The following RETREG1 variants were observed in gnomAD, a reference collection of about 807,000 sequenced individuals.
RETREG1 encodes the protein family with sequence similarity 134 member B.
RETREG1 carries 44 observed loss-of-function variants against 54.8 expected under a neutral mutation model. The observed-to-expected ratio is 0.80, with a 90% confidence interval of 0.63 to 1.03. The LOEUF is 1.03. RETREG1 is among the 50% of genes least tolerant of loss of function. RETREG1 has a pLI of 0.00. For missense variants in RETREG1, 554 were observed against 605.1 expected (o/e 0.92, Z 0.89); for synonymous variants, 217 against 238.5 (o/e 0.91, Z 0.83).
intron 3 of RETREG1, among the ~76,000 whole-genome samples, chr5:16,539,400 C>T (rs1280478489): frequency 6.6e-6 from 1 of 152,128 alleles, no homozygotes. Context: ...CACCGGGAAT[C>T]CAGAAATAAG....
chr5:16,504,910 T>C (rs2126557718), intron 3 of RETREG1, among the ~76,000 whole-genome samples: 1 of 152,304 alleles, frequency 6.6e-6, no homozygotes, highest in Non-Finnish European at 1.5e-5. Flanking sequence ...AATGGTAGTA[T>C]CAACAATAGG....
In RETREG1 at chr5:16,594,242, A is replaced by G. The variant is rs1252748931; in HGVS notation, c.321-22140T>C. ...GAACCTTTTGGCTGTATTCAGTGAT[A>G]CGATTAAGAATCAAAATTTCTCCTG... On this transcript the variant is annotated intron_variant, in intron 1 of 8. Transcript: ENST00000306320. This position sits in a 1 kb window ranked among gnomAD's most constrained non-coding sequence, Gnocchi z 4.4. Among the ~76,000 whole-genome samples, 2 of 152,240 alleles carry G rather than the reference A, an allele frequency of 1.3e-5. No homozygotes were observed. Among genetic ancestry groups the G allele is most frequent in the Non-Finnish European group, 2.9e-5 (2 of 68,042 alleles).
intron 1 of RETREG1, among the ~76,000 whole-genome samples, chr5:16,577,037 GCACACA>G (rs68174462): frequency 5.3e-5 from 8 of 150,572 alleles, no homozygotes; most frequent in Non-Finnish European, 7.4e-5. Context: ...TTGTGTGCAC[GCACACA>G]CACACACACA....
At chr5:16,615,413 A>AAG (rs1743475911) in intron 1 of RETREG1, among the ~76,000 whole-genome samples, 1 of 146,310 alleles carries the variant, frequency 6.8e-6, no homozygotes, top group Non-Finnish European at 1.5e-5. Flanking sequence ...AAAAAAAAAA[A>AAG]AAGAAAGAAA....
At chr5:16,523,337 C>T (rs1008576940) in intron 3 of RETREG1, among the ~76,000 whole-genome samples, 1 of 152,140 alleles carries the variant, frequency 6.6e-6, no homozygotes, top group Non-Finnish European at 1.5e-5. Flanking sequence ...AGCTTGGTCT[C>T]TTGTGGTCTA....
At chr5:16,525,350 T>C (rs390435) in intron 3 of RETREG1, among the ~76,000 whole-genome samples, 40,784 of 151,556 alleles carry the variant, frequency 0.27, 5,655 homozygotes, top group South Asian at 0.39. Context: ...ACTGTGCTGA[T>C]CTGCGTCCTT....
chr5:16,577,080 A>G (rs887030765), intron 1 of RETREG1, among the ~76,000 whole-genome samples: 7 of 151,996 alleles, frequency 4.6e-5, no homozygotes, highest in Non-Finnish European at 8.8e-5. Flanking sequence ...GGATCTGAGA[A>G]AGTCATCTGC....
At chr5:16,479,248 C>A (rs1375787358) in intron 5 of RETREG1, among the ~76,000 whole-genome samples, 1 of 152,022 alleles carries the variant, frequency 6.6e-6, no homozygotes, top group African/African-American at 2.4e-5. Context: ...TAAACATTTT[C>A]TACCACCACC....
rs527618495 is a variant in RETREG1, at chr5:16,477,267, T to C, written c.1000+395A>G. Reference sequence around the variant, plus strand: ...GTATACAATTCAGTGTTTTTTAGTATATTCATAAAGCTGTACAAGCAGCAT... The same window carrying C: ...GTATACAATTCAGTGTTTTTTAGTACATTCATAAAGCTGTACAAGCAGCAT... On this transcript the variant is annotated intron_variant, in intron 8 of 8. Transcript: ENST00000306320. 1.1e-3 allele frequency among the ~76,000 whole-genome samples: 172 copies of C among 152,296 alleles called. 1 individual carries two copies. Among genetic ancestry groups the C allele is most frequent in the African/African-American group, 4.1e-3 (169 of 41,576 alleles).
chr5:16,483,166 A>T, intron 4 of RETREG1, 180 bp downstream of exon 4: 1 of 656,302 alleles, frequency 1.5e-6, no homozygotes, highest in Non-Finnish European at 2.6e-6. Flanking sequence ...GAGGCTGAGG[A>T]TTATCTAGTG....
At chr5:16,588,615 C>T (rs1742678575) in intron 1 of RETREG1, among the ~76,000 whole-genome samples, 1 of 152,228 alleles carries the variant, frequency 6.6e-6, no homozygotes, top group Non-Finnish European at 1.5e-5. Flanking sequence ...TCCTCCCAAA[C>T]TCCCTGCCAG....
chr5:16,538,083 C>A (rs947296207), intron 3 of RETREG1, among the ~76,000 whole-genome samples: 2 of 152,150 alleles, frequency 1.3e-5, no homozygotes, highest in East Asian at 3.9e-4. Context: ...GCAGGGTTCC[C>A]AACCAGACCA....
chr5:16,502,267 A>AT (rs975970778), intron 3 of RETREG1, among the ~76,000 whole-genome samples: 32 of 151,964 alleles, frequency 2.1e-4, no homozygotes, highest in African/African-American at 5.5e-4. Flanking sequence ...CTAAGTAAGC[A>AT]TTTTTTTTCT....
Position 16,475,020 on chromosome 5 carries a change from G to A in RETREG1, c.1215C>T (p.Thr405=), listed in dbSNP as rs1738468522. The change falls in exon 9 of 9, where the codon ACC becomes ACT. Residue 405 remains threonine, a synonymous_variant. Coordinates refer to ENST00000306320, the MANE Select transcript of RETREG1 (RefSeq NM_001034850.3). ...GLTLPLNSDQ[T]FHLMSNLAGD... ...CAGCCAGGTTGCTCATCAGGTGAAA[G>A]GTTTGGTCACTGTTCAGAGGAAGGG... is the stretch of plus-strand genomic sequence containing the variant. The A allele has an allele frequency of 6.2e-7, 1 of 1,613,570 alleles. No homozygotes were observed. The highest frequency in any genetic ancestry group is 1.7e-5 in the Admixed American group (1 of 59,908).
At chr5:16,582,820 G>A (rs1318714241) in intron 1 of RETREG1, among the ~76,000 whole-genome samples, 1 of 152,158 alleles carries the variant, frequency 6.6e-6, no homozygotes, top group Non-Finnish European at 1.5e-5. Context: ...GAGGGCACTC[G>A]TTCCACAAAG....
chr5:16,477,574 A>G lies in RETREG1; in HGVS notation c.1000+88T>C, dbSNP rs904824412. On this transcript the variant is annotated intron_variant, in intron 8 of 8. Transcript: ENST00000306320. ...TCTACTGTGTAGATATGGTGGTAAC[A>G]TGTTATTTACCCATTCAGTATTTGA... 4.5e-5 allele frequency: 53 copies of G among 1,188,172 alleles called. No homozygotes were observed. The African/African-American group carries it at 7.1e-4, about 16-fold the overall frequency. 73.6% of individuals were successfully genotyped at this position (1,188,172 alleles called of 1,614,324 possible).
chr5:16,491,261 T>C (rs1739233029), intron 3 of RETREG1, among the ~76,000 whole-genome samples: 2 of 152,204 alleles, frequency 1.3e-5, no homozygotes, highest in Non-Finnish European at 2.9e-5. Flanking sequence ...ACAGCAGATC[T>C]CCTGGTTACC....
At chr5:16,554,667 G>A (rs146079876) in intron 3 of RETREG1, among the ~76,000 whole-genome samples, 4 of 152,202 alleles carry the variant, frequency 2.6e-5, no homozygotes, top group African/African-American at 7.2e-5. Context: ...ACCTCACTGC[G>A]CTTACTTTAA....
At chr5:16,498,133 G>A (rs148350800) in intron 3 of RETREG1, among the ~76,000 whole-genome samples, 31 of 152,346 alleles carry the variant, frequency 2.0e-4, no homozygotes, top group Admixed American at 7.8e-4. Flanking sequence ...TCGGAATGGA[G>A]AAACTATGAC....
Sources: gnomAD v4.1 joint callset for allele counts (sites outside exome capture counted in the v4.1 genomes callset) on GRCh38, gnomAD v4.1.1 for gene constraint, Gnocchi (gnomAD v3.1) non-coding constraint, MANE v1.5 for transcripts, NCBI Gene and HGNC (gene_info 2026-07-23, HGNC 2026-07-21) for gene names.